The following NUP85 variants were observed in gnomAD, a reference collection of about 807,000 sequenced individuals.
NUP85 encodes nucleoporin 85.
Under a neutral mutation model 92.8 loss-of-function variants are expected in NUP85, and 23 were observed. The ratio of observed to expected loss-of-function variants is 0.25; its 90% CI spans 0.18 to 0.35. NUP85 has a LOEUF of 0.35. Ranked by LOEUF, NUP85 falls within the 10% of genes least tolerant of loss-of-function variation. The pLI is 1.00. For synonymous variants in NUP85, 314 were observed against 306.9 expected (o/e 1.02, Z -0.24); for missense variants, 759 against 822.8 (o/e 0.92, Z 0.95).
chr17:75,208,406 C>T, intron 1 of NUP85, 121 bp from the exon 2 acceptor site: 1 of 704,494 alleles, frequency 1.4e-6, no homozygotes, highest in Non-Finnish European at 2.5e-6. Flanking sequence ...GATTACACCA[C>T]TGTACACCAG....
chr17:75,216,083 G>C (rs568392753), intron 6 of NUP85, among the ~76,000 whole-genome samples: 58 of 152,230 alleles, frequency 3.8e-4, no homozygotes, highest in African/African-American at 1.3e-3. Context: ...TGTGTGAAAG[G>C]GGGTGTCAGT....
chr17:75,218,192 TCTC>T lies in NUP85; in HGVS notation c.491_493del (p.Leu164del), dbSNP rs2075488496. 9 of 1,613,870 alleles carry T rather than the reference TCTC, an allele frequency of 5.6e-6. No homozygotes were observed. Among genetic ancestry groups the T allele is most frequent in the Non-Finnish European group, 7.6e-6 (9 of 1,179,858 alleles). On this transcript the variant is annotated inframe_deletion, in exon 7 of 19. Transcript: ENST00000245544. ...GAGAGTCTCTCCTCCCAGCTGGCCCTCTCCTCCTCCATCTCCTTGACTGGGTCC... is the reference window on the plus strand; with the variant it reads ...GAGAGTCTCTCCTCCCAGCTGGCCCTCTCCTCCATCTCCTTGACTGGGTCC...
At chr17:75,213,591 C>T (rs2075336953) in intron 5 of NUP85, among the ~76,000 whole-genome samples, 1 of 152,018 alleles carries the variant, frequency 6.6e-6, no homozygotes, top group Non-Finnish European at 1.5e-5. Context: ...CCGTGCTGGC[C>T]CTGAATGTTC....
At chr17:75,228,976 C>G (rs1454499176) in intron 11 of NUP85, 2 of 985,428 alleles carry the variant, frequency 2.0e-6, no homozygotes, top group African/African-American at 3.5e-5. Context: ...CACAGGGTCC[C>G]TTCTTCCCTC....
chr17:75,230,697 A>G (rs1202836924), intron 11 of NUP85, among the ~76,000 whole-genome samples: 1 of 152,092 alleles, frequency 6.6e-6, no homozygotes, highest in African/African-American at 2.4e-5. Context: ...TGTGAAATTA[A>G]GCTAGTGACA....
intron 6 of NUP85, 31 bp downstream of exon 6, chr17:75,215,854 T>C: frequency 6.4e-7 from 1 of 1,557,778 alleles, no homozygotes; most frequent in Non-Finnish European, 8.9e-7. Context: ...CATAATCTCA[T>C]AGGTGTCCCC....
At chr17:75,222,971 C>T (rs1295529032) in intron 7 of NUP85, among the ~76,000 whole-genome samples, 1 of 146,174 alleles carries the variant, frequency 6.8e-6, no homozygotes, top group Admixed American at 6.9e-5. Flanking sequence ...GGAAGTGGAG[C>T]TTGCAGTGAG....
chr17:75,209,972 T>C lies in NUP85; in HGVS notation c.277T>C (p.Ser93Pro). The C allele has an allele frequency of 6.3e-7, 1 of 1,587,074 alleles. No homozygotes were observed. Among genetic ancestry groups the C allele is most frequent in the Admixed American group, 2.0e-5 (1 of 51,272 alleles). The change falls in exon 3 of 19, where the codon TCC becomes CCC. Residue 93 changes from serine to proline, a missense_variant. Physicochemically the swap from Ser to Pro is moderately conservative, Grantham distance 74 (BLOSUM62 -1). Transcript: ENST00000245544. ...AATTGACGAAGAGTTGACTGGAAAA[T>C]CCAGAAAATCTCAGTAAGTTGGTTG... ...QRIDEELTGK[S>P]RKSQLVRVSK... is the part of the protein sequence containing the mutation.
At position 75,213,103 on chromosome 17, in the gene NUP85, G is replaced by A. The variant is rs751574604; in HGVS notation, c.389G>A (p.Arg130His). ...AIAAKDPANG[R>H]QFSSQVSILS... ...GCTGCTAAAGATCCAGCCAATGGCC[G>A]CCAGTTCAGCAGCCAGGTAAGGGGA... is the stretch of plus-strand genomic sequence containing the variant. Residue 130 changes from arginine (R) to histidine (H), a missense_variant, in exon 5 of 19, where the codon CGC becomes CAC. Arg to His is a conservative substitution (Grantham distance 29). Transcript: ENST00000245544. 6 of 1,613,354 alleles carry A rather than the reference G, an allele frequency of 3.7e-6. No homozygotes were observed. The highest frequency in any genetic ancestry group is 3.3e-5 in the Admixed American group (2 of 59,876).
chr17:75,229,371 G>A (rs2075952120), intron 11 of NUP85, among the ~76,000 whole-genome samples: 1 of 152,138 alleles, frequency 6.6e-6, no homozygotes, highest in South Asian at 2.1e-4. Context: ...CTTAGTACAG[G>A]ACAAACAGCT....
Position 75,208,604 on chromosome 17 carries a change from C to G in NUP85, c.111C>G (p.Thr37=). The G allele has an allele frequency of 1.3e-6, 2 of 1,595,180 alleles. No individual in the cohort carries two copies. The highest frequency in any genetic ancestry group is 1.7e-6 in the Non-Finnish European group (2 of 1,165,078). The change falls in exon 2 of 19, where the codon ACC becomes ACG. Residue 37 remains threonine, a synonymous_variant. Transcript: ENST00000245544. The part of the protein sequence containing the change: ...WGPGEMLVCE[T]SFNKKEKSEM... ...CAGGGGAGATGCTGGTATGTGAAACCTCCTTCAACAAAAAAGGTAGGGTTT... is the reference window on the plus strand; with the variant it reads ...CAGGGGAGATGCTGGTATGTGAAACGTCCTTCAACAAAAAAGGTAGGGTTT...
At chr17:75,224,872 A>G (rs1237357371) in intron 7 of NUP85, among the ~76,000 whole-genome samples, 2 of 151,630 alleles carry the variant, frequency 1.3e-5, no homozygotes, top group East Asian at 1.9e-4. Context: ...AATGGACTAC[A>G]GCTGGCTGTT....
intron 1 of NUP85, among the ~76,000 whole-genome samples, chr17:75,206,862 T>G (rs2075099617): frequency 6.6e-6 from 1 of 151,776 alleles, no homozygotes; most frequent in Admixed American, 6.6e-5. Context: ...CACGCCCGGC[T>G]AATTTTTTGT....
At chr17:75,222,667 T>C (rs2075631582) in intron 7 of NUP85, among the ~76,000 whole-genome samples, 1 of 152,008 alleles carries the variant, frequency 6.6e-6, no homozygotes, top group African/African-American at 2.4e-5. Flanking sequence ...AACCAATCAA[T>C]ATATAACCGA....
intron 11 of NUP85, among the ~76,000 whole-genome samples, chr17:75,230,888 C>T (rs1568091333): frequency 6.6e-6 from 1 of 151,020 alleles, no homozygotes; most frequent in African/African-American, 2.4e-5. Context: ...CCAGTGCACT[C>T]CCGTCTGGGT....
intron 11 of NUP85, chr17:75,228,017 A>ACACACATG: frequency 5.8e-6 from 1 of 172,654 alleles, no homozygotes; most frequent in Non-Finnish European, 1.2e-5. Context: ...AGAATTAGTG[A>ACACACATG]GAATAACTTA....
chr17:75,234,550 T>C, intron 16 of NUP85, 87 bp from the exon 17 acceptor site: 1 of 1,395,930 alleles, frequency 7.2e-7, no homozygotes, highest in Non-Finnish European at 1.0e-6. Flanking sequence ...TTTCTTCTCC[T>C]GTTTAGGGCC....
At chr17:75,211,729 T>C (rs904386383) in intron 3 of NUP85, among the ~76,000 whole-genome samples, 5 of 152,164 alleles carry the variant, frequency 3.3e-5, no homozygotes, top group Non-Finnish European at 5.9e-5. Flanking sequence ...TTTTATTTTT[T>C]TGAGACAAGG....
At chr17:75,217,348 C>A (rs2075461570) in intron 6 of NUP85, among the ~76,000 whole-genome samples, 1 of 150,654 alleles carries the variant, frequency 6.6e-6, no homozygotes, top group South Asian at 2.1e-4. Context: ...GCGTGAGCCA[C>A]CATTCCTGGC....
Sources: allele counts gnomAD v4.1 joint callset (sites outside exome capture counted in the v4.1 genomes callset), GRCh38; gene constraint gnomAD v4.1.1; transcripts MANE v1.5; gene names NCBI Gene and HGNC (gene_info 2026-07-23, HGNC 2026-07-21).